Variants in FTCDNL1 observed in about 807,000 individuals in gnomAD.
FTCDNL1 encodes formiminotransferase cyclodeaminase N-terminal like, also known as formiminotransferase N-terminal subdomain-containing protein.
FTCDNL1 carries 11 observed loss-of-function variants against 5.9 expected under a neutral mutation model. The ratio of observed to expected loss-of-function variants is 1.87; its 90% CI spans 1.18 to 3.10. The LOEUF is 3.10. FTCDNL1 is among the 30% of genes most tolerant of loss of function. The probability of loss-of-function intolerance (pLI) is 0.00; values close to 1 mark genes in which losing one functional copy is unlikely to be tolerated. For missense variants in FTCDNL1, 115 were observed against 65.5 expected (o/e 1.76, Z -2.61); for synonymous variants, 58 against 24.8 (o/e 2.34, Z -3.99).
In FTCDNL1 at chr2:199,800,206, G is replaced by C. The variant is rs193010736; in HGVS notation, c.212-39371C>G. The stretch of plus-strand genomic sequence containing the variant: ...AGGAACTGGAGAGCAAAGGGTAAAA[G>C]AATAGACTTCAGAAAGGACAAACCT... On this transcript the variant is annotated intron_variant, in intron 3 of 3. Coordinates refer to the FTCDNL1 transcript ENST00000416668. Among the ~76,000 whole-genome samples the C allele has an allele frequency of 3.5e-4, 53 of 152,170 alleles. No homozygotes were observed. In the East Asian group the frequency reaches 9.3e-3, roughly 27 times the overall value.
At chr2:199,731,439 AG>A in the FTCDNL1 span, among the ~76,000 whole-genome samples, 20 of 152,246 alleles carry the variant, frequency 1.3e-4, no homozygotes, top group African/African-American at 4.8e-4. Flanking sequence ...GACAGTTAAA[AG>A]GTGAAGAAAT....
At chr2:199,763,529 C>G (rs893061618) in intron 3 of FTCDNL1, among the ~76,000 whole-genome samples, 2 of 152,202 alleles carry the variant, frequency 1.3e-5, no homozygotes, top group Non-Finnish European at 2.9e-5. Flanking sequence ...CCCTACTCAC[C>G]TTTCCCCAAG....
the FTCDNL1 span, among the ~76,000 whole-genome samples, chr2:199,727,690 A>G: frequency 5.3e-5 from 8 of 151,926 alleles, no homozygotes; most frequent in East Asian, 1.5e-3. Flanking sequence ...CACAGACTGG[A>G]GCTGCTTCTA....
At chr2:199,771,391 A>G (rs573662834) in intron 3 of FTCDNL1, among the ~76,000 whole-genome samples, 20 of 152,240 alleles carry the variant, frequency 1.3e-4, no homozygotes, top group Non-Finnish European at 2.8e-4. Flanking sequence ...TGTCAGCAGT[A>G]TCCAGTTGAC....
chr2:199,791,550 C>T (rs547748733), intron 3 of FTCDNL1, among the ~76,000 whole-genome samples: 8 of 152,248 alleles, frequency 5.3e-5, no homozygotes, highest in African/African-American at 1.7e-4. Flanking sequence ...AGTATTTTTG[C>T]AGAGCTGTTC....
chr2:199,704,428 T>TG, the FTCDNL1 span, among the ~76,000 whole-genome samples: 1 of 151,982 alleles, frequency 6.6e-6, no homozygotes, highest in Non-Finnish European at 1.5e-5. Flanking sequence ...CAGGGAAGAC[T>TG]GGGGGGAAGA....
At chr2:199,784,683 C>T (rs866749524) in intron 3 of FTCDNL1, among the ~76,000 whole-genome samples, 6 of 152,298 alleles carry the variant, frequency 3.9e-5, no homozygotes, top group East Asian at 1.9e-4. Flanking sequence ...CCAATTGAGG[C>T]GGGACTTTGT....
At chr2:199,742,575 C>T in the FTCDNL1 span, among the ~76,000 whole-genome samples, 3 of 152,160 alleles carry the variant, frequency 2.0e-5, no homozygotes, top group South Asian at 6.2e-4. Context: ...TGTGTGTTAA[C>T]TATGTGCCAG....
At chr2:199,680,927 A>T in the FTCDNL1 span, among the ~76,000 whole-genome samples, 2 of 151,964 alleles carry the variant, frequency 1.3e-5, no homozygotes, top group East Asian at 3.9e-4. Flanking sequence ...TTCCTACTTC[A>T]TCTTTGAGGA....
chr2:199,704,444 G>A, the FTCDNL1 span, among the ~76,000 whole-genome samples: 1 of 152,090 alleles, frequency 6.6e-6, no homozygotes. Context: ...GAAGAGGGAA[G>A]ACAAGCAAAG....
chr2:199,695,053 C>T, the FTCDNL1 span, among the ~76,000 whole-genome samples: 3 of 152,144 alleles, frequency 2.0e-5, no homozygotes, highest in Non-Finnish European at 4.4e-5. Context: ...ATGGCAGAGG[C>T]TTACAGCACT....
intron 4 of FTCDNL1, among the ~76,000 whole-genome samples, chr2:199,814,797 T>A (rs1701252020): frequency 6.6e-6 from 1 of 152,340 alleles, no homozygotes; most frequent in East Asian, 1.9e-4. Flanking sequence ...AACTAGAAAT[T>A]ATTTTTCAAA....
At chr2:199,697,124 T>C in the FTCDNL1 span, among the ~76,000 whole-genome samples, 1 of 151,902 alleles carries the variant, frequency 6.6e-6, no homozygotes, top group Non-Finnish European at 1.5e-5. Flanking sequence ...TACAAAAAAT[T>C]AGCCGGGCAT....
the FTCDNL1 span, among the ~76,000 whole-genome samples, chr2:199,687,256 A>C: frequency 6.6e-6 from 1 of 152,246 alleles, no homozygotes; most frequent in African/African-American, 2.4e-5. Flanking sequence ...AGTTTGTAGA[A>C]TATAGCAAAA....
chr2:199,717,308 CT>C, the FTCDNL1 span, among the ~76,000 whole-genome samples: 1 of 152,100 alleles, frequency 6.6e-6, no homozygotes, highest in South Asian at 2.1e-4. Flanking sequence ...ACAAGGGTGT[CT>C]TTTTATAAAG....
chr2:199,820,126 A>C (rs1164642019), intron 3 of FTCDNL1, among the ~76,000 whole-genome samples: 1 of 152,324 alleles, frequency 6.6e-6, no homozygotes, highest in South Asian at 2.1e-4. Flanking sequence ...ATTTTTGAAC[A>C]ATGTTATAAT....
chr2:199,674,384 T>G, the FTCDNL1 span, among the ~76,000 whole-genome samples: 1 of 152,076 alleles, frequency 6.6e-6, no homozygotes, highest in South Asian at 2.1e-4. Flanking sequence ...AAATCACAGG[T>G]AGCACAAGGT....
the FTCDNL1 span, among the ~76,000 whole-genome samples, chr2:199,744,397 G>A: frequency 1.3e-5 from 2 of 152,052 alleles, no homozygotes; most frequent in East Asian, 1.9e-4. Flanking sequence ...GAAGAGACAC[G>A]TGCTCTCGTG....
At chr2:199,834,696 T>C (rs1026132250) in intron 3 of FTCDNL1, among the ~76,000 whole-genome samples, 4 of 152,196 alleles carry the variant, frequency 2.6e-5, no homozygotes, top group African/African-American at 9.6e-5. Context: ...GTGGGACTGG[T>C]TCCAAATGTG....
Sources: gnomAD v4.1 joint callset for allele counts (sites outside exome capture counted in the v4.1 genomes callset) on GRCh38, gnomAD v4.1.1 for gene constraint, MANE v1.5 for transcripts, NCBI Gene and HGNC (gene_info 2026-07-23, HGNC 2026-07-21) for gene names.